Variants in TOGARAM1 observed in about 807,000 individuals in gnomAD.
TOGARAM1 encodes TOG array regulator of axonemal microtubules 1.
TOGARAM1 carries 100 observed loss-of-function variants against 166.6 expected under a neutral mutation model. The observed-to-expected ratio is 0.60, with a 90% CI of 0.51 to 0.71. The LOEUF (loss-of-function observed/expected upper bound fraction) is 0.71. Ranked by LOEUF, TOGARAM1 falls within the 30% of genes least tolerant of loss-of-function variation. TOGARAM1 has a pLI of 0.00. For synonymous variants in TOGARAM1, 758 were observed against 763.8 expected (o/e 0.99, Z 0.13); for missense variants, 2,029 against 2,102.7 (o/e 0.96, Z 0.69).
In TOGARAM1 at chr14:44,964,228, C is replaced by T; in HGVS notation, c.1807C>T (p.His603Tyr). Residue 603 changes from histidine (H) to tyrosine (Y), a missense_variant, in exon 1 of 20, where the codon CAT becomes TAT. Physicochemically the swap from His to Tyr is moderately conservative, Grantham distance 83. Around this residue, in one of 2 missense-constraint regions of TOGARAM1, gnomAD observed 1,453 missense variants for 1,432.2 expected, o/e 1.01. Coordinates refer to ENST00000361462, the MANE Select transcript of TOGARAM1 (RefSeq NM_001308120.2). The stretch of plus-strand genomic sequence containing the variant: ...ATCTTCTGCCGGGGGTAGGTCAAAC[C>T]ATTTGGCACATGGAGCAGATACGGA... ...MPSSAGGRSN[H>Y]LAHGADTDWL... 1.2e-6 allele frequency: 2 copies of T among 1,614,130 alleles called. No individual in the cohort carries two copies. The highest frequency in any genetic ancestry group is 2.2e-5 in the South Asian group (2 of 91,082).
chr14:45,012,046 C>G lies in TOGARAM1; in HGVS notation c.3209C>G (p.Ser1070Cys). The part of the protein sequence containing the change: ...TRLSSAKKKI[S>C]HIAEQSPSAG... The stretch of plus-strand genomic sequence containing the variant: ...CTTTCTTCTGCAAAGAAAAAAATTT[C>G]TCATATTGCTGAACAAAGCCCCAGT... Residue 1070 changes from serine to cysteine, a missense_variant, in exon 7 of 20, where the codon TCT becomes TGT. Coordinates refer to ENST00000361462, the MANE Select transcript of TOGARAM1 (RefSeq NM_001308120.2). 3 of 1,610,980 alleles carry G rather than the reference C, an allele frequency of 1.9e-6. No individual in the cohort carries two copies. The highest frequency in any genetic ancestry group is 2.5e-6 in the Non-Finnish European group (3 of 1,178,790).
rs148321239 is a variant in TOGARAM1, at chr14:44,963,788, T to C, written c.1367T>C (p.Met456Thr). Residue 456 changes from methionine (M) to threonine (T), a missense_variant, in exon 1 of 20, where the codon ATG becomes ACG. Physicochemically the swap from Met to Thr is moderately conservative, Grantham distance 81. Coordinates refer to ENST00000361462, the MANE Select transcript of TOGARAM1 (RefSeq NM_001308120.2). ...DNKLVIKQEYMKIFLKLMKEV... is the reference protein window; with the variant it reads ...DNKLVIKQEYTKIFLKLMKEV... ...AAGTTGGTGATCAAACAAGAATACA[T>C]GAAAATCTTCCTCAAGCTAATGAAG... 463 of 1,614,070 alleles carry C rather than the reference T, an allele frequency of 2.9e-4. No individual in the cohort carries two copies. Among genetic ancestry groups the C allele is most frequent in the Non-Finnish European group, 3.7e-4 (440 of 1,179,980 alleles).
chr14:44,988,386 C>T (rs1886963654), intron 1 of TOGARAM1, among the ~76,000 whole-genome samples: 1 of 152,020 alleles, frequency 6.6e-6, no homozygotes, highest in Admixed American at 6.6e-5. Context: ...TTAATACTGC[C>T]CATAGGGTAG....
At chr14:45,023,551 C>T (rs774692270) in intron 7 of TOGARAM1, among the ~76,000 whole-genome samples, 55 of 152,136 alleles carry the variant, frequency 3.6e-4, no homozygotes, top group Non-Finnish European at 7.1e-4. Flanking sequence ...TGAGGCCAAC[C>T]CTTTGCCACT....
At chr14:45,045,584 TG>T (rs1420769280) in intron 13 of TOGARAM1, among the ~76,000 whole-genome samples, 2 of 23,182 alleles carry the variant, frequency 8.6e-5, no homozygotes, top group Admixed American at 6.0e-4. Flanking sequence ...TATATATATA[TG>T]TGTGTGTGTG....
At chr14:45,027,874 G>GAA (rs1278893001) in intron 9 of TOGARAM1, among the ~76,000 whole-genome samples, 2 of 99,638 alleles carry the variant, frequency 2.0e-5, no homozygotes, top group Admixed American at 9.9e-5. Context: ...ACTGTCTCAA[G>GAA]AAAAAAAAAA....
chr14:45,009,449 C>T (rs1311446956), intron 6 of TOGARAM1, among the ~76,000 whole-genome samples: 5 of 152,146 alleles, frequency 3.3e-5, no homozygotes, highest in African/African-American at 1.2e-4. Flanking sequence ...TGACCTTTAG[C>T]TCTTTTCTGG....
intron 1 of TOGARAM1, among the ~76,000 whole-genome samples, chr14:44,972,391 A>G (rs1306173687): frequency 6.6e-6 from 1 of 152,022 alleles, no homozygotes; most frequent in Non-Finnish European, 1.5e-5. Flanking sequence ...CATCTAGTTG[A>G]TTATGATGTT....
chr14:45,032,086 G>A, intron 10 of TOGARAM1, 137 bp from the exon 11 acceptor site: 2 of 670,062 alleles, frequency 3.0e-6, no homozygotes, highest in Non-Finnish European at 2.4e-6. Flanking sequence ...CTTGAAGCAG[G>A]GAAGTGGAGG....
At chr14:45,058,352 T>G (rs1189953104) in intron 16 of TOGARAM1, among the ~76,000 whole-genome samples, 1 of 151,920 alleles carries the variant, frequency 6.6e-6, no homozygotes, top group East Asian at 1.9e-4. Flanking sequence ...TGGAGTGCAG[T>G]GGCACAATCT....
Position 44,962,318 on chromosome 14 carries a change from C to A in TOGARAM1, c.-104C>A, listed in dbSNP as rs973074784. On this transcript the variant is annotated 5_prime_UTR_variant, in exon 1 of 20. Transcript: ENST00000361462. ...GCAGGCTGAAGCTGTTCTTTTGCCT[C>A]TTCTGCAGCTTGGGGCTTGGAGAGG... 7.2e-7 allele frequency: 1 copy of A among 1,391,316 alleles called. No homozygotes were observed. Among genetic ancestry groups the A allele is most frequent in the Non-Finnish European group, 9.5e-7 (1 of 1,057,028 alleles). The allele number at this position is 1,391,316 out of a possible 1,614,324, so 86.2% of individuals were successfully genotyped here.
intron 1 of TOGARAM1, among the ~76,000 whole-genome samples, chr14:44,974,112 T>C (rs1566600052): frequency 1.3e-5 from 2 of 151,910 alleles, no homozygotes. Flanking sequence ...CTCTATTCTT[T>C]TCTATATTCT....
At chr14:45,030,146 A>G (rs1177030443) in intron 10 of TOGARAM1, among the ~76,000 whole-genome samples, 3 of 152,188 alleles carry the variant, frequency 2.0e-5, no homozygotes, top group Non-Finnish European at 4.4e-5. Flanking sequence ...AAAAAAAAAA[A>G]TCTTCATTTG....
chr14:45,003,967 T>C, intron 3 of TOGARAM1, 94 bp from the exon 4 acceptor site: 1 of 994,122 alleles, frequency 1.0e-6, no homozygotes, highest in Non-Finnish European at 1.4e-6. Flanking sequence ...CCAATTGGGA[T>C]GAAAACCTGA....
intron 18 of TOGARAM1, among the ~76,000 whole-genome samples, chr14:45,069,829 C>T (rs1883298017): frequency 6.6e-6 from 1 of 152,000 alleles, no homozygotes; most frequent in Non-Finnish European, 1.5e-5. Context: ...CTAAATATAC[C>T]ATGGAATACT....
intron 11 of TOGARAM1, chr14:45,042,471 A>G (rs373208122): frequency 2.0e-5 from 3 of 152,152 alleles, no homozygotes; most frequent in South Asian, 4.1e-4. Context: ...ACACATACAC[A>G]TAAATACATA....
At chr14:45,038,174 T>C (rs1881534655) in intron 11 of TOGARAM1, among the ~76,000 whole-genome samples, 1 of 152,178 alleles carries the variant, frequency 6.6e-6, no homozygotes, top group South Asian at 2.1e-4. Flanking sequence ...TCCAAAGTGT[T>C]AGGATTACAG....
In TOGARAM1 at chr14:44,962,207, A is replaced by C; in HGVS notation, c.-215A>C. The C allele has an allele frequency of 2.0e-6, 1 of 510,128 alleles. No individual in the cohort carries two copies. The highest frequency in any genetic ancestry group is 3.6e-5 in the South Asian group (1 of 27,546). The allele number at this position is 510,128 out of a possible 1,614,324, so 31.6% of individuals were successfully genotyped here. A position where few individuals can be genotyped will look rare whatever the true frequency, so the allele number is the denominator to read the frequency against. Reference sequence around the variant, plus strand: ...GTTTGGTCACGTGGTGCCCTTGGTTACGCCCGGTGGCAGCTGTGGGGTCTA... The same window carrying C: ...GTTTGGTCACGTGGTGCCCTTGGTTCCGCCCGGTGGCAGCTGTGGGGTCTA... On this transcript the variant is annotated 5_prime_UTR_variant, in exon 1 of 20. Coordinates refer to ENST00000361462, the MANE Select transcript of TOGARAM1 (RefSeq NM_001308120.2).
At position 44,962,268 on chromosome 14, in the gene TOGARAM1, T is replaced by TC. The variant is rs1885178943; in HGVS notation, c.-151dup. ...GGGGGCCATTTTGCCAGAGGCTGCC[T>TC]CCCGGAGTTGGGGGCGGCCTGGCGG... On this transcript the variant is annotated 5_prime_UTR_variant, in exon 1 of 20. Transcript: ENST00000361462. 1.1e-6 allele frequency: 1 copy of TC among 933,122 alleles called. No individual in the cohort carries two copies. The allele number at this position is 933,122 out of a possible 1,614,324, so 57.8% of individuals were successfully genotyped here.
Sources: gnomAD v4.1 joint callset for allele counts (sites outside exome capture counted in the v4.1 genomes callset) on GRCh38, gnomAD v4.1.1 for gene constraint, gnomAD v4.1.1 regional missense constraint, MANE v1.5 for transcripts, NCBI Gene and HGNC (gene_info 2026-07-23, HGNC 2026-07-21) for gene names.